Variants in ZNF407 observed in about 807,000 individuals in gnomAD.
The protein encoded by ZNF407 is zinc finger protein 407.
A neutral mutation model predicts 131.2 loss-of-function variants in ZNF407; 17 were observed. That is an observed-to-expected ratio of 0.13 (90% CI 0.09 to 0.19). The LOEUF (loss-of-function observed/expected upper bound fraction) is 0.19, where lower values mean the gene tolerates loss of function less well. ZNF407 is among the 10% of genes least tolerant of loss of function. The pLI, the probability that ZNF407 is intolerant of heterozygous loss-of-function variation, is 1.00. For missense variants in ZNF407, 2,681 were observed against 2,830.6 expected, an observed-to-expected ratio of 0.95 and a Z score of 1.20; for synonymous variants, 1,156 against 1,062.0, an observed-to-expected ratio of 1.09 and a Z score of -1.72.
At chr18:74,866,605 C>T (rs1971014003) in intron 4 of ZNF407, among the ~76,000 whole-genome samples, 1 of 151,542 alleles carries the variant, frequency 6.6e-6, no homozygotes, top group African/African-American at 2.4e-5. Context: ...GCAAACATAG[C>T]GTATTTGATT....
intron 3 of ZNF407, among the ~76,000 whole-genome samples, chr18:74,655,292 A>G (rs1051406438): frequency 2.0e-5 from 3 of 152,048 alleles, no homozygotes; most frequent in African/African-American, 7.2e-5. Flanking sequence ...CAAATGCAAC[A>G]CACAAATATA....
Position 74,891,082 on chromosome 18 carries a change from C to T in ZNF407, c.5249+1044C>T, listed in dbSNP as rs532878412. On this transcript the variant is annotated intron_variant, in intron 7 of 8. Transcript: ENST00000299687. ...GACTCAGGCGAGGCTAAATCATCCT[C>T]TCAAGTACATGATGAGGTATGTGTA... is the stretch of plus-strand genomic sequence containing the variant. Among the ~76,000 whole-genome samples the T allele has an allele frequency of 1.9e-3, 293 of 152,270 alleles. 1 individual carries two copies. The South Asian group carries it at 0.02, about 10-fold the overall frequency.
At chr18:74,755,048 A>G (rs1011222339) in intron 3 of ZNF407, among the ~76,000 whole-genome samples, 19 of 152,136 alleles carry the variant, frequency 1.2e-4, no homozygotes, top group Non-Finnish European at 1.5e-5. Flanking sequence ...TTGGGTGTAT[A>G]TATATTTAGG....
intron 8 of ZNF407, among the ~76,000 whole-genome samples, chr18:74,952,997 A>G (rs1198860888): frequency 6.6e-6 from 1 of 152,210 alleles, no homozygotes; most frequent in Non-Finnish European, 1.5e-5. Flanking sequence ...GAGAGAAGTA[A>G]GGTAGACCAC....
chr18:74,939,012 G>T (rs143573889), intron 8 of ZNF407, among the ~76,000 whole-genome samples: 62 of 152,188 alleles, frequency 4.1e-4, no homozygotes, highest in African/African-American at 1.4e-3. Context: ...AGTTGACATT[G>T]CAGGGTAAGA....
At chr18:74,623,506 A>T (rs1983653333) in intron 1 of ZNF407, among the ~76,000 whole-genome samples, 1 of 152,198 alleles carries the variant, frequency 6.6e-6, no homozygotes, top group African/African-American at 2.4e-5. Context: ...ATGAAAATGA[A>T]GGGAAAAATG....
At chr18:74,828,334 A>G (rs1599180911) in intron 4 of ZNF407, among the ~76,000 whole-genome samples, 2 of 152,202 alleles carry the variant, frequency 1.3e-5, no homozygotes, top group African/African-American at 4.8e-5. Flanking sequence ...ACAAGAGCAA[A>G]GGCTGCCTTT....
intron 4 of ZNF407, among the ~76,000 whole-genome samples, chr18:74,797,119 T>C (rs1369073312): frequency 6.6e-6 from 1 of 152,184 alleles, no homozygotes; most frequent in Non-Finnish European, 1.5e-5. Context: ...GGCTTTTTTA[T>C]CATGAATTCC....
intron 8 of ZNF407, among the ~76,000 whole-genome samples, chr18:74,948,108 G>A (rs923733560): frequency 6.6e-6 from 1 of 152,196 alleles, no homozygotes; most frequent in African/African-American, 2.4e-5. Context: ...AGGTATCTTT[G>A]TCTCTTATAG....
At position 75,063,138 on chromosome 18, in the gene ZNF407, T is replaced by G; in HGVS notation, c.5429-12T>G. ...CTTTTTCCAGGCTCTAACTGGTCCC[T>G]GTCTCCCTTAGGCATTGTTTCCAAG... is the stretch of plus-strand genomic sequence containing the variant. On this transcript the variant is annotated splice_polypyrimidine_tract_variant and intron_variant, in intron 8 of 8. Transcript: ENST00000299687. The surrounding 1 kb of genome is among the most constrained non-coding windows in gnomAD (Gnocchi z 6.6). The G allele has an allele frequency of 6.5e-7, 1 of 1,548,476 alleles. No individual in the cohort carries two copies. Among genetic ancestry groups the G allele is most frequent in the Non-Finnish European group, 8.7e-7 (1 of 1,146,402 alleles).
At chr18:74,622,242 A>G (rs1455101513) in intron 1 of ZNF407, among the ~76,000 whole-genome samples, 1 of 152,202 alleles carries the variant, frequency 6.6e-6, no homozygotes, top group African/African-American at 2.4e-5. Context: ...AGCTGCCTTT[A>G]TGCATGGACT....
chr18:74,763,338 G>A (rs1375160906), intron 3 of ZNF407, among the ~76,000 whole-genome samples: 2 of 150,852 alleles, frequency 1.3e-5, no homozygotes, highest in Non-Finnish European at 3.0e-5. Flanking sequence ...TTGTATGCTA[G>A]AGATAAGCTT....
In ZNF407 at chr18:74,875,429, G is replaced by A. The variant is rs958457693; in HGVS notation, c.4878-1768G>A. Among the ~76,000 whole-genome samples, 20 of 152,086 alleles carry A rather than the reference G, an allele frequency of 1.3e-4. 1 individual carries two copies. The highest frequency in any genetic ancestry group is 4.8e-4 in the African/African-American group (20 of 41,420). On this transcript the variant is annotated intron_variant, in intron 4 of 8. Coordinates refer to ENST00000299687, the MANE Select transcript of ZNF407 (RefSeq NM_017757.3). ...ACATCACAGTAGATTTAAAAATGAG[G>A]GATTTATTTTGTCATTCATAAAGTT... is the stretch of plus-strand genomic sequence containing the variant.
At chr18:75,027,039 T>C (rs1286541980) in intron 8 of ZNF407, among the ~76,000 whole-genome samples, 1 of 152,202 alleles carries the variant, frequency 6.6e-6, no homozygotes, top group Non-Finnish European at 1.5e-5. Context: ...GAAAGCAGTA[T>C]GTGGCCTGCG....
intron 1 of ZNF407, among the ~76,000 whole-genome samples, chr18:74,599,659 G>T (rs1982492867): frequency 6.6e-6 from 1 of 152,184 alleles, no homozygotes; most frequent in South Asian, 2.1e-4. Context: ...GGACTAGTGG[G>T]TATTCACCTG....
At chr18:74,993,972 A>G (rs1457700984) in intron 8 of ZNF407, among the ~76,000 whole-genome samples, 2 of 152,248 alleles carry the variant, frequency 1.3e-5, no homozygotes, top group Admixed American at 1.3e-4. Flanking sequence ...AGATTCACAG[A>G]CACGCCACAT....
At position 74,920,679 on chromosome 18, in the gene ZNF407, T is replaced by C. The variant is rs748718322; in HGVS notation, c.5415T>C (p.Ala1805=). 4 of 1,604,364 alleles carry C rather than the reference T, an allele frequency of 2.5e-6. No individual in the cohort carries two copies. In the East Asian group the frequency reaches 9.0e-5, roughly 36 times the overall value. Residue 1805 remains alanine, a synonymous_variant, in exon 8 of 9, where the codon GCT becomes GCC. Coordinates refer to ENST00000299687, the MANE Select transcript of ZNF407 (RefSeq NM_017757.3). ...CTGACATCGAAAACCCGGACCTCGC[T>C]TACCTGCATGCTGGTAAGGGACAGA... is the stretch of plus-strand genomic sequence containing the variant. ...QHPDIENPDL[A]YLHAGIVSKS...
At chr18:75,002,821 A>T (rs1235956488) in intron 8 of ZNF407, among the ~76,000 whole-genome samples, 1 of 138,956 alleles carries the variant, frequency 7.2e-6, no homozygotes, top group Non-Finnish European at 1.6e-5. Context: ...AAAAAAAAAA[A>T]GAGGTCAGGA....
Position 74,913,932 on chromosome 18 carries a change from G to T in ZNF407, c.5250-6582G>T, listed in dbSNP as rs906130744. Among the ~76,000 whole-genome samples the T allele has an allele frequency of 3.3e-5, 5 of 152,232 alleles. No individual in the cohort carries two copies. In the East Asian group the frequency reaches 9.7e-4, roughly 29 times the overall value. On this transcript the variant is annotated intron_variant, in intron 7 of 8. Coordinates refer to ENST00000299687, the MANE Select transcript of ZNF407 (RefSeq NM_017757.3). ...CAGAATAAGAAATTTCTTTTATTATGTGTTTTTTAAGAAGCCCTATAAGGC... is the reference window on the plus strand; with the variant it reads ...CAGAATAAGAAATTTCTTTTATTATTTGTTTTTTAAGAAGCCCTATAAGGC...
Sources: allele counts gnomAD v4.1 joint callset (sites outside exome capture counted in the v4.1 genomes callset), GRCh38; gene constraint gnomAD v4.1.1; non-coding constraint Gnocchi (gnomAD v3.1); transcripts MANE v1.5; gene names NCBI Gene and HGNC (gene_info 2026-07-23, HGNC 2026-07-21).